Variants in COLEC12 observed in about 807,000 individuals in gnomAD.
The protein encoded by COLEC12 is collectin-12.
In COLEC12, 33 loss-of-function variants were observed where a neutral mutation model predicts 71.1. The ratio of observed to expected loss-of-function variants is 0.46; its 90% CI spans 0.35 to 0.62. The LOEUF (loss-of-function observed/expected upper bound fraction) is 0.62. Among genes scored for constraint, COLEC12 ranks in the 20% least tolerant of loss-of-function variants. The probability of loss-of-function intolerance (pLI) is 0.00; values close to 1 mark genes in which losing one functional copy is unlikely to be tolerated. For synonymous variants in COLEC12, 350 were observed against 353.0 expected (o/e 0.99, Z 0.10); for missense variants, 765 against 916.1 (o/e 0.84, Z 2.13).
At chr18:369,043 T>C (rs957637815) in intron 2 of COLEC12, among the ~76,000 whole-genome samples, 1 of 152,346 alleles carries the variant, frequency 6.6e-6, no homozygotes. Context: ...ATGAAATTGG[T>C]CATGCTGGAA....
At chr18:390,243 T>G (rs1486036292) in intron 2 of COLEC12, among the ~76,000 whole-genome samples, 2 of 152,224 alleles carry the variant, frequency 1.3e-5, no homozygotes, top group Non-Finnish European at 2.9e-5. Flanking sequence ...GCCATCGTGC[T>G]GCCCAAATGT....
chr18:398,931 A>G (rs1915624413), intron 2 of COLEC12, among the ~76,000 whole-genome samples: 1 of 152,188 alleles, frequency 6.6e-6, no homozygotes, highest in African/African-American at 2.4e-5. Flanking sequence ...CCATGGACTT[A>G]AATAATACAA....
chr18:331,636 G>T, intron 8 of COLEC12, 32 bp downstream of exon 8: 1 of 1,377,308 alleles, frequency 7.3e-7, no homozygotes, highest in Non-Finnish European at 1.0e-6. Flanking sequence ...GTGAGAGCCT[G>T]ACCACCAATC....
intron 2 of COLEC12, among the ~76,000 whole-genome samples, chr18:459,456 G>A (rs370014077): frequency 6.6e-6 from 1 of 152,200 alleles, no homozygotes; most frequent in Admixed American, 6.5e-5. Flanking sequence ...ACACAGGTAA[G>A]GAATGGATTT....
intron 2 of COLEC12, among the ~76,000 whole-genome samples, chr18:464,054 C>T (rs547401719): frequency 6.6e-6 from 1 of 152,278 alleles, no homozygotes; most frequent in African/African-American, 2.4e-5. Flanking sequence ...ACACCCTGAG[C>T]TAATCCCTGC....
chr18:379,483 A>G (rs1360710112), intron 2 of COLEC12, among the ~76,000 whole-genome samples: 1 of 152,180 alleles, frequency 6.6e-6, no homozygotes, highest in Non-Finnish European at 1.5e-5. Flanking sequence ...AGGTCCATGC[A>G]ACTAAAAGTT....
chr18:496,049 A>G (rs1917706877), intron 1 of COLEC12, among the ~76,000 whole-genome samples: 1 of 152,202 alleles, frequency 6.6e-6, no homozygotes, highest in South Asian at 2.1e-4. Flanking sequence ...GGTGAAACAT[A>G]TTTTCTATCA....
intron 2 of COLEC12, among the ~76,000 whole-genome samples, chr18:427,697 C>T (rs1916224081): frequency 6.6e-6 from 1 of 151,400 alleles, no homozygotes; most frequent in Admixed American, 6.6e-5. Context: ...CATAACCGGT[C>T]CTCAAATGTG....
intron 2 of COLEC12, among the ~76,000 whole-genome samples, chr18:400,224 T>TA (rs565140937): frequency 4.1e-4 from 62 of 152,192 alleles, no homozygotes; most frequent in African/African-American, 1.4e-3. Flanking sequence ...AGGTGTGCTC[T>TA]AAAAAAATGG....
At chr18:486,858 T>C (rs770126279) in intron 1 of COLEC12, among the ~76,000 whole-genome samples, 1 of 152,246 alleles carries the variant, frequency 6.6e-6, no homozygotes, top group Non-Finnish European at 1.5e-5. Flanking sequence ...AACCCTCATA[T>C]GCTGTTGGTG....
intron 2 of COLEC12, among the ~76,000 whole-genome samples, chr18:375,126 T>C (rs1915085065): frequency 6.6e-6 from 1 of 152,212 alleles, no homozygotes; most frequent in African/African-American, 2.4e-5. Flanking sequence ...ACACCTAGTT[T>C]CATCTGGGTC....
At position 488,825 on chromosome 18, in the gene COLEC12, A is replaced by G. The variant is rs147978311; in HGVS notation, c.8-8068T>C. ...GAGGCAGAGGTTGCAATGAGCTGAG[A>G]TTGTGTCACTGCACTCCAGCCTAGG... On this transcript the variant is annotated intron_variant, in intron 1 of 9. Transcript: ENST00000400256. Among the ~76,000 whole-genome samples, 168 of 152,082 alleles carry G rather than the reference A, an allele frequency of 1.1e-3. 2 individuals are homozygous for G. In the East Asian group the frequency reaches 0.015, roughly 13 times the overall value.
chr18:370,157 G>A (rs767138755), intron 2 of COLEC12, among the ~76,000 whole-genome samples: 4 of 152,180 alleles, frequency 2.6e-5, no homozygotes, highest in African/African-American at 9.7e-5. Flanking sequence ...CACAGTGCAG[G>A]CAGAAGGCCT....
At chr18:387,533 C>G (rs1335111176) in intron 2 of COLEC12, among the ~76,000 whole-genome samples, 1 of 151,822 alleles carries the variant, frequency 6.6e-6, no homozygotes, top group Middle Eastern at 3.2e-3. Flanking sequence ...AAATTTCCAC[C>G]AGTAAAATAT....
intron 2 of COLEC12, among the ~76,000 whole-genome samples, chr18:403,546 T>A (rs1019151441): frequency 2.0e-5 from 3 of 152,346 alleles, no homozygotes; most frequent in African/African-American, 7.2e-5. Context: ...AACGTGTGTT[T>A]TGCTGGTGGC....
At chr18:352,171 T>C (rs1259619578) in intron 3 of COLEC12, among the ~76,000 whole-genome samples, 1 of 152,224 alleles carries the variant, frequency 6.6e-6, no homozygotes, top group African/African-American at 2.4e-5. Context: ...CACATACTCC[T>C]AAATCCCTGG....
chr18:334,614 T>C, intron 6 of COLEC12, 128 bp downstream of exon 6: 1 of 787,228 alleles, frequency 1.3e-6, no homozygotes, highest in South Asian at 3.7e-5. Context: ...GGCAACAGAG[T>C]GAGACCCTGT....
At chr18:409,462 T>A (rs1427297697) in intron 2 of COLEC12, among the ~76,000 whole-genome samples, 1 of 151,988 alleles carries the variant, frequency 6.6e-6, no homozygotes, top group Admixed American at 6.5e-5. Context: ...GAGGTGGAGG[T>A]TGCAGTGAGC....
intron 2 of COLEC12, among the ~76,000 whole-genome samples, chr18:391,541 T>C (rs528015242): frequency 2.0e-5 from 3 of 152,322 alleles, no homozygotes; most frequent in East Asian, 1.9e-4. Flanking sequence ...ACTGAGCACC[T>C]ATGGCTCTCT....
Sources: gnomAD v4.1 joint callset for allele counts (sites outside exome capture counted in the v4.1 genomes callset) on GRCh38, gnomAD v4.1.1 for gene constraint, MANE v1.5 for transcripts, NCBI Gene and HGNC (gene_info 2026-07-23, HGNC 2026-07-21) for gene names.